Variants in PCDH9 observed in about 807,000 individuals in gnomAD.
PCDH9 encodes protocadherin 9.
PCDH9 carries 24 observed loss-of-function variants against 70.6 expected under a neutral mutation model. That is an observed-to-expected ratio of 0.34 (90% CI 0.25 to 0.48). The LOEUF (loss-of-function observed/expected upper bound fraction) is 0.48, where lower values mean the gene tolerates loss of function less well. PCDH9 is among the 20% of genes least tolerant of loss of function. The pLI, the probability that PCDH9 is intolerant of heterozygous loss-of-function variation, is 0.99. For missense variants in PCDH9, 1,281 were observed against 1,503.6 expected (o/e 0.85, Z 2.45); for synonymous variants, 562 against 558.5 (o/e 1.01, Z -0.09).
chr13:66,518,624 T>C lies in PCDH9; in HGVS notation c.3340+112586A>G, dbSNP rs530605943. ...GGAAAATTCAAATATTTTGTTAGTT[T>C]ATTTACACTCTAGGGATAAACCAAT... On this transcript the variant is annotated intron_variant, in intron 4 of 4. Transcript: ENST00000377865. Among the ~76,000 whole-genome samples, 6 of 152,234 alleles carry C rather than the reference T, an allele frequency of 3.9e-5. No homozygotes were observed. The South Asian group carries it at 1.2e-3, about 32-fold the overall frequency.
chr13:66,949,799 C>T (rs1383390776), intron 2 of PCDH9, among the ~76,000 whole-genome samples: 1 of 151,954 alleles, frequency 6.6e-6, no homozygotes, highest in African/African-American at 2.4e-5. Context: ...AGAGAAGACC[C>T]TGAAATAGGA....
chr13:66,593,559 C>T (rs2077063379), intron 4 of PCDH9, among the ~76,000 whole-genome samples: 1 of 151,554 alleles, frequency 6.6e-6, no homozygotes, highest in African/African-American at 2.4e-5. Context: ...AAGCAGAAAA[C>T]ATTAAAATAC....
intron 3 of PCDH9, among the ~76,000 whole-genome samples, chr13:66,833,175 C>T (rs539620527): frequency 1.6e-4 from 24 of 152,278 alleles, no homozygotes; most frequent in African/African-American, 5.8e-4. Flanking sequence ...CTATGCTGCT[C>T]TAACCTTGCT....
intron 3 of PCDH9, among the ~76,000 whole-genome samples, chr13:66,900,363 A>C (rs2082257208): frequency 6.6e-6 from 1 of 151,892 alleles, no homozygotes; most frequent in Admixed American, 6.6e-5. Flanking sequence ...CTAATATTAA[A>C]AACCCCTTAT....
At chr13:66,682,529 G>T (rs1165823208) in intron 3 of PCDH9, among the ~76,000 whole-genome samples, 3 of 151,872 alleles carry the variant, frequency 2.0e-5, no homozygotes, top group Non-Finnish European at 4.4e-5. Flanking sequence ...CTCAGTTTCG[G>T]AGTTGAGTCC....
At chr13:66,359,080 A>G (rs10507734) in intron 4 of PCDH9, among the ~76,000 whole-genome samples, 142,459 of 152,022 alleles carry the variant, frequency 0.94, 67,442 homozygotes, top group East Asian at 1. Flanking sequence ...GACTATCATA[A>G]GAGTAAGGTG....
At chr13:66,331,933 G>T (rs900231771) in intron 4 of PCDH9, among the ~76,000 whole-genome samples, 1 of 152,172 alleles carries the variant, frequency 6.6e-6, no homozygotes, top group Non-Finnish European at 1.5e-5. Context: ...GTAGGATTCT[G>T]TATGTTGCCT....
chr13:66,986,934 C>A (rs2083903438), intron 2 of PCDH9, among the ~76,000 whole-genome samples: 1 of 151,572 alleles, frequency 6.6e-6, no homozygotes, highest in Non-Finnish European at 1.5e-5. Flanking sequence ...AATAAATAGG[C>A]ATATATCATA....
At chr13:66,964,714 A>G (rs2083403900) in intron 2 of PCDH9, among the ~76,000 whole-genome samples, 1 of 152,042 alleles carries the variant, frequency 6.6e-6, no homozygotes, top group Non-Finnish European at 1.5e-5. Flanking sequence ...TGTCAGAATG[A>G]TAGACAAGAT....
intron 3 of PCDH9, among the ~76,000 whole-genome samples, chr13:66,856,857 C>G (rs1272824841): frequency 1.3e-5 from 2 of 152,018 alleles, no homozygotes; most frequent in Non-Finnish European, 2.9e-5. Context: ...ATCATATACC[C>G]TAATAACCAG....
intron 2 of PCDH9, among the ~76,000 whole-genome samples, chr13:66,951,929 T>TA (rs2083189095): frequency 6.6e-6 from 1 of 152,128 alleles, no homozygotes; most frequent in South Asian, 2.1e-4. Context: ...CCCCTTCCTA[T>TA]AAAATAAACA....
chr13:66,690,730 G>GT (rs1362201435), intron 3 of PCDH9, among the ~76,000 whole-genome samples: 3 of 152,142 alleles, frequency 2.0e-5, no homozygotes, highest in African/African-American at 7.2e-5. Flanking sequence ...CAAAATCAGG[G>GT]TCAGAAATAA....
chr13:67,137,738 C>T (rs959891880), intron 2 of PCDH9, among the ~76,000 whole-genome samples: 1 of 152,102 alleles, frequency 6.6e-6, no homozygotes, highest in East Asian at 1.9e-4. Context: ...ATTCTTCCTT[C>T]TCTGGTGGTC....
chr13:67,163,930 A>G (rs1377676466), intron 2 of PCDH9, among the ~76,000 whole-genome samples: 1 of 152,212 alleles, frequency 6.6e-6, no homozygotes, highest in Non-Finnish European at 1.5e-5. Context: ...GTAAAAGATA[A>G]TGGGGGTCTC....
Position 66,602,824 on chromosome 13 carries a change from T to C in PCDH9, c.3340+28386A>G, listed in dbSNP as rs904265920. ...ATTTAAATTCATGGTGAATGACCTA[T>C]ATAAGTATACCATCTTTGATCTTTT... On this transcript the variant is annotated intron_variant, in intron 4 of 4. Coordinates refer to ENST00000377865, the MANE Select transcript of PCDH9 (RefSeq NM_203487.3). Among the ~76,000 whole-genome samples, 7 of 145,968 alleles carry C rather than the reference T, an allele frequency of 4.8e-5. 1 individual carries two copies. The highest frequency in any genetic ancestry group is 7.7e-5 in the Non-Finnish European group (5 of 64,968).
chr13:67,209,931 A>G lies in PCDH9; in HGVS notation c.3036+15474T>C, dbSNP rs567140848. The G allele has an allele frequency of 2.0e-5, 3 of 152,220 alleles. No individual in the cohort carries two copies. In the East Asian group the frequency reaches 5.8e-4, roughly 29 times the overall value. The allele number at this position is 152,220 out of a possible 1,614,324, so 9.4% of individuals were successfully genotyped here. A position where few individuals can be genotyped will look rare whatever the true frequency, so the allele number is the denominator to read the frequency against. On this transcript the variant is annotated intron_variant, in intron 2 of 4. Transcript: ENST00000377865. ...TACTTTGAATGAAGAAACTGCCTAT[A>G]AAATCAGTGGGCACCATTTGATTAA... is the stretch of plus-strand genomic sequence containing the variant.
At chr13:66,791,585 G>C (rs1327405448) in intron 3 of PCDH9, among the ~76,000 whole-genome samples, 1 of 152,000 alleles carries the variant, frequency 6.6e-6, no homozygotes, top group East Asian at 1.9e-4. Context: ...AAATAATTAT[G>C]TTTTTACATA....
Position 66,303,565 on chromosome 13 carries a change from A to T in PCDH9, c.*1090T>A, listed in dbSNP as rs961029685. The T allele has an allele frequency of 2.6e-5, 4 of 152,510 alleles. No individual in the cohort carries two copies. Among genetic ancestry groups the T allele is most frequent in the African/African-American group, 9.7e-5 (4 of 41,434 alleles). The allele number at this position is 152,510 out of a possible 1,614,324, so 9.4% of individuals were successfully genotyped here. On this transcript the variant is annotated 3_prime_UTR_variant, in exon 5 of 5. Transcript: ENST00000377865. ...TCAACACAGACTCTGCCATTTCAAC[A>T]AAGTTGTAGACACACATTTGCCCAA...
chr13:66,545,331 T>G (rs2138667041), intron 4 of PCDH9, among the ~76,000 whole-genome samples: 1 of 152,304 alleles, frequency 6.6e-6, no homozygotes, highest in East Asian at 1.9e-4. Context: ...TCTCTAGGTT[T>G]TTATTCTCTA....
Sources: allele counts gnomAD v4.1 joint callset (sites outside exome capture counted in the v4.1 genomes callset), GRCh38; gene constraint gnomAD v4.1.1; transcripts MANE v1.5; gene names NCBI Gene and HGNC (gene_info 2026-07-23, HGNC 2026-07-21).